The following ARFGEF1 variants were observed in gnomAD, a reference collection of about 807,000 sequenced individuals.
ARFGEF1 encodes the protein brefeldin A-inhibited guanine nucleotide-exchange protein 1.
Under a neutral mutation model 231.0 loss-of-function variants are expected in ARFGEF1, and 42 were observed. That is an observed-to-expected ratio of 0.18 (90% CI 0.14 to 0.24). The LOEUF is 0.24. ARFGEF1 is among the 10% of genes least tolerant of loss of function. The pLI is 1.00. For synonymous variants in ARFGEF1, 710 were observed against 732.3 expected (o/e 0.97, Z 0.49); for missense variants, 1,345 against 2,192.0 (o/e 0.61, Z 7.72).
downstream of ARFGEF1, chr8:67,195,749 A>G (rs1837814304): frequency 3.3e-6 from 2 of 614,276 alleles, no homozygotes; most frequent in East Asian, 5.6e-5. Flanking sequence ...TATTATGTAC[A>G]TAAATAAAAG....
At chr8:67,235,063 T>C (rs1839675565) in intron 22 of ARFGEF1, among the ~76,000 whole-genome samples, 1 of 145,206 alleles carries the variant, frequency 6.9e-6, no homozygotes, top group Admixed American at 6.8e-5. Flanking sequence ...AAAATATGTG[T>C]ATGTGTGTAT....
intron 1 of ARFGEF1, among the ~76,000 whole-genome samples, chr8:67,327,720 T>C (rs1807902251): frequency 6.6e-6 from 1 of 152,248 alleles, no homozygotes; most frequent in Non-Finnish European, 1.5e-5. Context: ...CAAAATTTCC[T>C]TGTATTTGCA....
At chr8:67,283,584 T>C (rs143312694) in intron 7 of ARFGEF1, among the ~76,000 whole-genome samples, 1 of 152,156 alleles carries the variant, frequency 6.6e-6, no homozygotes, top group African/African-American at 2.4e-5. Flanking sequence ...GGGCGAATGA[T>C]AAACTGAGAG....
chr8:67,238,269 T>C (rs904666003), intron 22 of ARFGEF1, 74 bp downstream of exon 22: 4 of 1,378,238 alleles, frequency 2.9e-6, no homozygotes, highest in Non-Finnish European at 3.9e-6. Context: ...TCTAATTATA[T>C]TTCATTACTA....
chr8:67,222,424 C>T (rs1299833310), intron 29 of ARFGEF1, among the ~76,000 whole-genome samples: 2 of 151,402 alleles, frequency 1.3e-5, no homozygotes, highest in East Asian at 3.9e-4. Context: ...CACCACCACA[C>T]CCGGCTAATT....
intron 5 of ARFGEF1, among the ~76,000 whole-genome samples, chr8:67,188,145 G>A (rs1393777307): frequency 1.3e-5 from 2 of 152,164 alleles, no homozygotes; most frequent in African/African-American, 4.8e-5. Flanking sequence ...GTCAGATAAA[G>A]GACTGTTATC....
chr8:67,228,329 A>G, intron 23 of ARFGEF1, 65 bp from the exon 24 acceptor site: 2 of 1,465,660 alleles, frequency 1.4e-6, no homozygotes, highest in Non-Finnish European at 9.4e-7. Context: ...ATTGAAAAGT[A>G]TGTGGCATGG....
At chr8:67,286,658 C>G (rs532658136) in intron 7 of ARFGEF1, among the ~76,000 whole-genome samples, 1 of 152,110 alleles carries the variant, frequency 6.6e-6, no homozygotes, top group Non-Finnish European at 1.5e-5. Flanking sequence ...AAAGAATGCA[C>G]GGGCATGTAC....
chr8:67,323,441 TAAACTACTATCAACC>T (rs1807687532), intron 1 of ARFGEF1, among the ~76,000 whole-genome samples: 1 of 152,212 alleles, frequency 6.6e-6, no homozygotes, highest in African/African-American at 2.4e-5. Context: ...TGTCATGTTA[TAAACTACTATCAACC>T]AAACATCTTT....
intron 1 of ARFGEF1, among the ~76,000 whole-genome samples, chr8:67,332,159 T>C (rs1808129524): frequency 6.6e-6 from 1 of 152,180 alleles, no homozygotes; most frequent in African/African-American, 2.4e-5. Context: ...ATCATGACAA[T>C]TACACAATAA....
downstream of ARFGEF1, chr8:67,195,649 T>G (rs1338074950): frequency 1.8e-5 from 27 of 1,476,012 alleles, no homozygotes; most frequent in Non-Finnish European, 2.5e-5. Context: ...ATGGTAAATC[T>G]GTACCTTTAA....
At chr8:67,268,744 T>C (rs1034276469) in intron 10 of ARFGEF1, among the ~76,000 whole-genome samples, 1 of 152,202 alleles carries the variant, frequency 6.6e-6, no homozygotes, top group Non-Finnish European at 1.5e-5. Context: ...AAAAACATTA[T>C]TTTTCTTTTA....
intron 34 of ARFGEF1, among the ~76,000 whole-genome samples, chr8:67,210,781 G>A (rs1019025564): frequency 1.3e-5 from 2 of 152,014 alleles, no homozygotes; most frequent in South Asian, 2.1e-4. Flanking sequence ...ATGGCCAGGC[G>A]CAGTGGCTCA....
chr8:67,296,369 C>T, intron 5 of ARFGEF1, 62 bp downstream of exon 5: 1 of 1,453,518 alleles, frequency 6.9e-7, no homozygotes, highest in Non-Finnish European at 9.4e-7. Flanking sequence ...TTACTGTAAA[C>T]TCCTTTCTAT....
intron 5 of ARFGEF1, among the ~76,000 whole-genome samples, chr8:67,183,312 G>A (rs1019437985): frequency 1.3e-4 from 20 of 152,174 alleles, no homozygotes; most frequent in African/African-American, 4.1e-4. Flanking sequence ...AATGGATGTC[G>A]AAAGACAACT....
At chr8:67,286,740 G>T (rs77396148) in intron 7 of ARFGEF1, among the ~76,000 whole-genome samples, 2,469 of 151,416 alleles carry the variant, frequency 0.016, 70 homozygotes, top group African/African-American at 0.058. Context: ...AATCATGGTC[G>T]GTTCTTCACT....
chr8:67,221,893 A>C (rs1335725621), intron 29 of ARFGEF1, among the ~76,000 whole-genome samples: 1 of 150,164 alleles, frequency 6.7e-6, no homozygotes, highest in African/African-American at 2.5e-5. Context: ...TGCTCACTGC[A>C]AGCTCCACCT....
At chr8:67,317,898 CA>C (rs951058819) in intron 1 of ARFGEF1, among the ~76,000 whole-genome samples, 1,316 of 54,886 alleles carry the variant, frequency 0.024, 5 homozygotes, top group Non-Finnish European at 0.028. Flanking sequence ...GACTCTGTCT[CA>C]AAAAAAAAAA....
At chr8:67,240,035 A>T in intron 20 of ARFGEF1, 127 bp downstream of exon 20, 1 of 1,282,472 alleles carries the variant, frequency 7.8e-7, no homozygotes, top group Non-Finnish European at 1.1e-6. Context: ...AGATTCATTT[A>T]AATTCCATCA....
Sources: gnomAD v4.1 joint callset for allele counts (sites outside exome capture counted in the v4.1 genomes callset) on GRCh38, gnomAD v4.1.1 for gene constraint, MANE v1.5 for transcripts, NCBI Gene and HGNC (gene_info 2026-07-23, HGNC 2026-07-21) for gene names.